The following UNC13C variants were observed in gnomAD, a reference collection of about 807,000 sequenced individuals.
UNC13C encodes protein unc-13 homolog C.
Under a neutral mutation model 245.4 loss-of-function variants are expected in UNC13C, and 174 were observed. That is an observed-to-expected ratio of 0.71 (90% confidence interval 0.63 to 0.80). The LOEUF is 0.80. Ranked by LOEUF, UNC13C falls within the 30% of genes least tolerant of loss-of-function variation. The probability of loss-of-function intolerance (pLI) is 0.00; values close to 1 mark genes in which losing one functional copy is unlikely to be tolerated. For synonymous variants in UNC13C, 992 were observed against 895.1 expected (o/e 1.11, Z -1.93); for missense variants, 2,829 against 2,602.9 (o/e 1.09, Z -1.89).
chr15:53,995,888 A>G (rs558039252), intron 1 of UNC13C, among the ~76,000 whole-genome samples: 1 of 152,116 alleles, frequency 6.6e-6, no homozygotes, highest in South Asian at 2.1e-4. Flanking sequence ...GTGGAGAAGT[A>G]GAGAGAGAGA....
chr15:54,494,041 A>C (rs1034138048), intron 19 of UNC13C, among the ~76,000 whole-genome samples: 2 of 152,066 alleles, frequency 1.3e-5, no homozygotes, highest in African/African-American at 4.8e-5. Flanking sequence ...CTTTTCAACT[A>C]TTTTAATGCT....
At chr15:54,469,813 T>C (rs1185441252) in intron 19 of UNC13C, among the ~76,000 whole-genome samples, 1 of 151,380 alleles carries the variant, frequency 6.6e-6, no homozygotes, top group East Asian at 1.9e-4. Flanking sequence ...GTGGTGAGAG[T>C]AGCCATCCTT....
chr15:54,263,998 T>C, intron 8 of UNC13C, 170 bp from the exon 9 acceptor site: 1 of 625,162 alleles, frequency 1.6e-6, no homozygotes, highest in Non-Finnish European at 2.8e-6. Context: ...GTACTAGTTG[T>C]TGTGAATCTC....
the UNC13C span, chr15:53,947,504 C>G: frequency 6.6e-6 from 1 of 152,224 alleles, no homozygotes; most frequent in Non-Finnish European, 1.5e-5. Context: ...GCAGCATTTC[C>G]TTAATGCTCT....
chr15:54,390,456 C>A (rs1281661971), intron 17 of UNC13C, among the ~76,000 whole-genome samples: 3 of 151,950 alleles, frequency 2.0e-5, no homozygotes, highest in South Asian at 2.1e-4. Context: ...CCCATTATAC[C>A]CTTACAGATT....
chr15:54,402,268 T>C (rs541755453), intron 18 of UNC13C, among the ~76,000 whole-genome samples: 66 of 152,250 alleles, frequency 4.3e-4, no homozygotes, highest in Non-Finnish European at 7.1e-4. Context: ...CTGTTACTCA[T>C]ATATATCATA....
chr15:54,626,640 CTAGGGAAAAAGTCATTT>C (rs1207136348), intron 32 of UNC13C, among the ~76,000 whole-genome samples, 171 bp from the exon 33 acceptor site: 3 of 151,976 alleles, frequency 2.0e-5, no homozygotes, highest in African/African-American at 7.2e-5. Context: ...TCTTTTCTAT[CTAGGGAAAAAGTCATTT>C]TAACATTCGC....
intron 28 of UNC13C, among the ~76,000 whole-genome samples, chr15:54,553,727 C>T (rs546917638): frequency 6.6e-6 from 1 of 151,338 alleles, no homozygotes; most frequent in East Asian, 1.9e-4. Context: ...TGATCTGTTG[C>T]TAAATTCTAA....
chr15:54,076,804 A>G (rs1898653065), intron 2 of UNC13C, among the ~76,000 whole-genome samples: 1 of 152,192 alleles, frequency 6.6e-6, no homozygotes, highest in Non-Finnish European at 1.5e-5. Flanking sequence ...GTTAAGTAGG[A>G]ATAAAGGGGG....
At chr15:54,547,651 C>T (rs62022202) in intron 27 of UNC13C, among the ~76,000 whole-genome samples, 7,980 of 152,170 alleles carry the variant, frequency 0.052, 352 homozygotes, top group Admixed American at 0.13. Context: ...TAAAGTGTTC[C>T]GAGATGCAAA....
At chr15:53,874,970 T>C in the UNC13C span, among the ~76,000 whole-genome samples, 1 of 152,022 alleles carries the variant, frequency 6.6e-6, no homozygotes, top group Admixed American at 6.6e-5. Context: ...GGCATGCACC[T>C]GAATCCCAGC....
chr15:54,088,436 C>T (rs541770919), intron 2 of UNC13C, among the ~76,000 whole-genome samples: 9 of 152,118 alleles, frequency 5.9e-5, no homozygotes, highest in Non-Finnish European at 1.0e-4. Flanking sequence ...ACATCGGTGA[C>T]AATGTGATTA....
intron 30 of UNC13C, among the ~76,000 whole-genome samples, chr15:54,590,228 C>G (rs1898713129): frequency 6.6e-6 from 1 of 152,182 alleles, no homozygotes; most frequent in African/African-American, 2.4e-5. Flanking sequence ...AGTGGGATGC[C>G]TCCAGATTTG....
At chr15:53,953,710 A>G in the UNC13C span, among the ~76,000 whole-genome samples, 42 of 152,244 alleles carry the variant, frequency 2.8e-4, no homozygotes, top group Admixed American at 2.6e-3. Context: ...TTAGATATTA[A>G]TTTAACCTGT....
At chr15:54,179,275 A>T (rs1003203811) in intron 4 of UNC13C, among the ~76,000 whole-genome samples, 3 of 152,152 alleles carry the variant, frequency 2.0e-5, no homozygotes, top group African/African-American at 7.2e-5. Context: ...AAGCAAGAAA[A>T]TGTGGCTGAT....
chr15:54,246,872 C>A (rs2036006709), intron 7 of UNC13C, among the ~76,000 whole-genome samples: 2 of 152,070 alleles, frequency 1.3e-5, no homozygotes, highest in Non-Finnish European at 2.9e-5. Flanking sequence ...ACTTATGTAA[C>A]CTGCGCATCC....
At chr15:54,399,833 G>A (rs995244471) in intron 18 of UNC13C, among the ~76,000 whole-genome samples, 5 of 151,858 alleles carry the variant, frequency 3.3e-5, no homozygotes, top group African/African-American at 1.2e-4. Flanking sequence ...TCAGGGATTT[G>A]TCCTTTGTTC....
intron 19 of UNC13C, among the ~76,000 whole-genome samples, chr15:54,425,022 T>A (rs2040730619): frequency 6.6e-6 from 1 of 151,862 alleles, no homozygotes; most frequent in East Asian, 1.9e-4. Flanking sequence ...AAGGCTGACA[T>A]GCTATGTATA....
intron 12 of UNC13C, among the ~76,000 whole-genome samples, chr15:54,298,761 A>G (rs2140943601): frequency 6.6e-6 from 1 of 152,264 alleles, no homozygotes; most frequent in Non-Finnish European, 1.5e-5. Flanking sequence ...TCTGATGCAA[A>G]TGATACTTGT....
Sources: gnomAD v4.1 joint callset for allele counts (sites outside exome capture counted in the v4.1 genomes callset) on GRCh38, gnomAD v4.1.1 for gene constraint, MANE v1.5 for transcripts, NCBI Gene and HGNC (gene_info 2026-07-23, HGNC 2026-07-21) for gene names.